The following IGFL2 variants were observed in gnomAD, a reference collection of about 807,000 sequenced individuals.
The protein encoded by IGFL2 is insulin growth factor-like family member 2.
A neutral mutation model predicts 13.9 loss-of-function variants in IGFL2; 7 were observed. The observed-to-expected ratio is 0.51, with a 90% CI of 0.29 to 0.95. IGFL2 has a LOEUF of 0.95. Ranked by LOEUF, IGFL2 falls within the 40% of genes least tolerant of loss-of-function variation. The pLI is 0.08. For synonymous variants in IGFL2, 55 were observed against 55.8 expected (o/e 0.99, Z 0.07); for missense variants, 138 against 147.8 (o/e 0.93, Z 0.34).
the IGFL2 span, chr19:46,101,054 C>T: frequency 6.6e-6 from 1 of 152,372 alleles, no homozygotes; most frequent in African/African-American, 2.4e-5. Context: ...GAGATGTCAC[C>T]CGAGGAAGCT....
chr19:46,083,970 T>C, the IGFL2 span, among the ~76,000 whole-genome samples: 1 of 152,262 alleles, frequency 6.6e-6, no homozygotes, highest in African/African-American at 2.4e-5. Flanking sequence ...TGCTTTTTCC[T>C]ACAGATTTTG....
upstream of IGFL2, chr19:46,147,732 C>G (rs1341849909): frequency 6.6e-6 from 1 of 152,310 alleles, no homozygotes; most frequent in African/African-American, 2.4e-5. Flanking sequence ...CTTGCAAGAC[C>G]ATCATTAAAA....
At chr19:46,147,006 CAGTA>C (rs375369200), upstream of IGFL2, among the ~76,000 whole-genome samples, 18 of 152,232 alleles carry the variant, frequency 1.2e-4, no homozygotes, top group East Asian at 2.3e-3. Flanking sequence ...AATAAAATAA[CAGTA>C]AGAAACACAG....
chr19:46,112,844 A>G, the IGFL2 span: 1 of 152,208 alleles, frequency 6.6e-6, no homozygotes, highest in South Asian at 2.1e-4. Context: ...TGTGGCTCAT[A>G]CTTGGTAATG....
chr19:46,091,362 A>G, the IGFL2 span, among the ~76,000 whole-genome samples: 2 of 152,234 alleles, frequency 1.3e-5, no homozygotes, highest in Non-Finnish European at 2.9e-5. Context: ...AATATAGGCA[A>G]ACTGTTACTT....
the IGFL2 span, among the ~76,000 whole-genome samples, chr19:46,205,895 T>A: frequency 6.6e-6 from 1 of 152,242 alleles, no homozygotes; most frequent in Admixed American, 6.5e-5. Context: ...CTTGAGTGGT[T>A]TGAACGTCCT....
chr19:46,165,204 C>T (rs147339420), downstream of IGFL2, among the ~76,000 whole-genome samples: 167 of 152,264 alleles, frequency 1.1e-3, no homozygotes, highest in African/African-American at 3.6e-3. Context: ...GTAAATTTGA[C>T]GTAGCCAGTT....
the IGFL2 span, among the ~76,000 whole-genome samples, chr19:46,115,021 T>C: frequency 6.6e-6 from 1 of 152,190 alleles, no homozygotes; most frequent in African/African-American, 2.4e-5. Flanking sequence ...TATCTTTCTC[T>C]GGCATTTGTA....
At chr19:46,092,729 C>A in the IGFL2 span, among the ~76,000 whole-genome samples, 1 of 152,006 alleles carries the variant, frequency 6.6e-6, no homozygotes, top group Non-Finnish European at 1.5e-5. Context: ...TATCCTCCTG[C>A]CTCAGCCTCC....
chr19:46,078,829 C>T, the IGFL2 span, among the ~76,000 whole-genome samples: 1 of 151,370 alleles, frequency 6.6e-6, no homozygotes, highest in Admixed American at 6.6e-5. Flanking sequence ...CAGTAGACAT[C>T]GCGCAGGCGT....
At chr19:46,109,273 G>A in the IGFL2 span, among the ~76,000 whole-genome samples, 1 of 152,056 alleles carries the variant, frequency 6.6e-6, no homozygotes, top group African/African-American at 2.4e-5. Context: ...GCAGGGGGTG[G>A]ATCTTACCAA....
chr19:46,107,204 G>C, the IGFL2 span, among the ~76,000 whole-genome samples: 41 of 152,154 alleles, frequency 2.7e-4, no homozygotes, highest in Non-Finnish European at 3.4e-4. Context: ...GGAGTGGGTA[G>C]CCTCCATATT....
At chr19:46,205,924 A>G in the IGFL2 span, among the ~76,000 whole-genome samples, 1 of 152,164 alleles carries the variant, frequency 6.6e-6, no homozygotes, top group African/African-American at 2.4e-5. Context: ...CAAGACAGAA[A>G]GCACATGGTG....
At chr19:46,087,311 T>G in the IGFL2 span, among the ~76,000 whole-genome samples, 3 of 152,060 alleles carry the variant, frequency 2.0e-5, no homozygotes, top group Non-Finnish European at 4.4e-5. Flanking sequence ...CACCTGCAGG[T>G]GGGTGCTGGC....
chr19:46,080,368 G>A, the IGFL2 span, among the ~76,000 whole-genome samples: 6 of 151,976 alleles, frequency 3.9e-5, no homozygotes, highest in Admixed American at 6.6e-5. Context: ...TCAACTTAGG[G>A]AGATCCCATC....
At chr19:46,089,453 A>C in the IGFL2 span, among the ~76,000 whole-genome samples, 4 of 152,168 alleles carry the variant, frequency 2.6e-5, no homozygotes, top group East Asian at 7.7e-4. Context: ...TACTTTTACC[A>C]GTGAATTTTG....
the IGFL2 span, chr19:46,204,219 C>G: frequency 6.6e-6 from 1 of 152,178 alleles, no homozygotes; most frequent in Non-Finnish European, 1.5e-5. Context: ...GCTCAGGTCT[C>G]CCACCAGCAG....
At chr19:46,116,092 T>G in the IGFL2 span, among the ~76,000 whole-genome samples, 12 of 152,296 alleles carry the variant, frequency 7.9e-5, no homozygotes, top group Non-Finnish European at 1.5e-4. Context: ...TTTTTTTTTA[T>G]TATTATACTT....
chr19:46,143,833 C>G (rs2146812833), upstream of IGFL2, among the ~76,000 whole-genome samples: 1 of 152,254 alleles, frequency 6.6e-6, no homozygotes, highest in Middle Eastern at 3.4e-3. Context: ...ATAAACAGGC[C>G]CTTGGTCTAC....
Sources: gnomAD v4.1 joint callset for allele counts (sites outside exome capture counted in the v4.1 genomes callset) on GRCh38, gnomAD v4.1.1 for gene constraint, MANE v1.5 for transcripts, NCBI Gene and HGNC (gene_info 2026-07-23, HGNC 2026-07-21) for gene names.